The following SGCZ variants were observed in gnomAD, a reference collection of about 807,000 sequenced individuals.
SGCZ encodes the protein zeta-sarcoglycan.
In SGCZ, 40 loss-of-function variants were observed where a neutral mutation model predicts 41.3. The observed-to-expected ratio is 0.97, with a 90% CI of 0.75 to 1.26. The LOEUF (loss-of-function observed/expected upper bound fraction) is 1.26, where lower values mean the gene tolerates loss of function less well. SGCZ is among the 50% of genes most tolerant of loss of function. The pLI, the probability that SGCZ is intolerant of heterozygous loss-of-function variation, is 0.00. For missense variants in SGCZ, 552 were observed against 369.8 expected (o/e 1.49, Z -4.04); for synonymous variants, 206 against 137.5 (o/e 1.50, Z -3.49).
In SGCZ at chr8:14,257,035, T is replaced by C. The variant is rs113439517; in HGVS notation, c.337-19356A>G. On this transcript the variant is annotated intron_variant, in intron 3 of 7. Transcript: ENST00000382080. Reference sequence around the variant, plus strand: ...TAGGGTGATACAATATTAAGCTAGATTGAACAGGTTTCTGGCCAGGCGTGG... The same window carrying C: ...TAGGGTGATACAATATTAAGCTAGACTGAACAGGTTTCTGGCCAGGCGTGG... Among the ~76,000 whole-genome samples the C allele has an allele frequency of 2.3e-4, 35 of 152,226 alleles. 1 individual carries two copies. The highest frequency in any genetic ancestry group is 4.4e-4 in the Non-Finnish European group (30 of 68,000).
At chr8:14,793,424 A>C (rs759840338) in intron 1 of SGCZ, among the ~76,000 whole-genome samples, 1 of 152,226 alleles carries the variant, frequency 6.6e-6, no homozygotes. Context: ...TTCTTTCAGA[A>C]AAACGCAAAA....
chr8:14,523,128 T>C (rs951220423), intron 2 of SGCZ, among the ~76,000 whole-genome samples: 10 of 151,942 alleles, frequency 6.6e-5, no homozygotes, highest in African/African-American at 2.4e-4. Context: ...GTCTTAAATA[T>C]CTCTCCCGCT....
intron 2 of SGCZ, among the ~76,000 whole-genome samples, chr8:14,377,930 C>G (rs375382184): frequency 1.5e-4 from 23 of 148,692 alleles, no homozygotes; most frequent in Admixed American, 4.0e-4. Flanking sequence ...AGTCTATCAT[C>G]GTTGGACATT....
At chr8:14,189,130 A>C (rs1199353996) in intron 4 of SGCZ, among the ~76,000 whole-genome samples, 1 of 151,548 alleles carries the variant, frequency 6.6e-6, no homozygotes, top group East Asian at 1.9e-4. Flanking sequence ...ACGTGCTGGG[A>C]TTACAGGCGT....
At chr8:14,133,049 AACC>A (rs1177021906) in intron 5 of SGCZ, among the ~76,000 whole-genome samples, 1 of 152,188 alleles carries the variant, frequency 6.6e-6, no homozygotes, top group Non-Finnish European at 1.5e-5. Flanking sequence ...TGAATAAAAA[AACC>A]ACGTTTCTCA....
At chr8:14,771,396 G>A (rs1446876729) in intron 1 of SGCZ, among the ~76,000 whole-genome samples, 1 of 152,078 alleles carries the variant, frequency 6.6e-6, no homozygotes, top group African/African-American at 2.4e-5. Flanking sequence ...GGAGTGTATT[G>A]AGCTTCACAT....
chr8:15,014,048 G>C (rs1292022920), intron 1 of SGCZ, among the ~76,000 whole-genome samples: 1 of 152,194 alleles, frequency 6.6e-6, no homozygotes, highest in African/African-American at 2.4e-5. Context: ...ATCAGGATTA[G>C]TGAGAATAAT....
At chr8:14,341,186 A>G (rs1802692297) in intron 2 of SGCZ, among the ~76,000 whole-genome samples, 2 of 152,286 alleles carry the variant, frequency 1.3e-5, no homozygotes, top group South Asian at 4.1e-4. Flanking sequence ...GTCAATGAGC[A>G]CTTGGGTTGC....
intron 2 of SGCZ, among the ~76,000 whole-genome samples, chr8:14,345,198 T>C (rs778456432): frequency 1.2e-4 from 19 of 152,094 alleles, no homozygotes; most frequent in Non-Finnish European, 1.9e-4. Context: ...TCATTACTCA[T>C]CAGCGACATG....
intron 5 of SGCZ, among the ~76,000 whole-genome samples, chr8:14,152,616 A>C (rs1803745235): frequency 6.6e-6 from 1 of 152,182 alleles, no homozygotes; most frequent in South Asian, 2.1e-4. Context: ...ATCATTCTGC[A>C]AAAAAAGTTT....
intron 2 of SGCZ, among the ~76,000 whole-genome samples, chr8:14,458,140 C>G (rs1316057344): frequency 6.6e-6 from 1 of 152,104 alleles, no homozygotes; most frequent in Non-Finnish European, 1.5e-5. Context: ...ACTTTTAGAA[C>G]TATATTACTG....
intron 1 of SGCZ, among the ~76,000 whole-genome samples, chr8:14,580,838 G>A (rs947206865): frequency 2.6e-5 from 4 of 152,132 alleles, no homozygotes; most frequent in African/African-American, 9.7e-5. Flanking sequence ...GATGGAGGGA[G>A]CCTTCTCCCA....
intron 4 of SGCZ, among the ~76,000 whole-genome samples, chr8:14,175,303 A>G (rs1192297682): frequency 6.6e-6 from 1 of 152,170 alleles, no homozygotes; most frequent in African/African-American, 2.4e-5. Context: ...TATTTTCATA[A>G]AAAAGGAAAT....
intron 3 of SGCZ, among the ~76,000 whole-genome samples, chr8:14,250,153 C>A (rs1231940520): frequency 1.3e-5 from 2 of 152,148 alleles, no homozygotes; most frequent in Admixed American, 6.6e-5. Context: ...CTCTAACAGC[C>A]CAGCTGAGGT....
rs540201562 is a variant in SGCZ, at chr8:14,537,769, C to A, written c.234+16963G>T. On this transcript the variant is annotated intron_variant, in intron 2 of 7. Transcript: ENST00000382080. ...AAGGTTTGTACAGGGAAATTGCTGC[C>A]ATGATAAAATGTGTTTGTGAACGCT... Among the ~76,000 whole-genome samples the A allele has an allele frequency of 1.7e-3, 263 of 151,900 alleles. 1 individual carries two copies. Among genetic ancestry groups the A allele is most frequent in the Non-Finnish European group, 3.1e-3 (213 of 67,886 alleles).
At chr8:15,001,655 G>A (rs1364176591) in intron 1 of SGCZ, among the ~76,000 whole-genome samples, 1 of 149,598 alleles carries the variant, frequency 6.7e-6, no homozygotes, top group Non-Finnish European at 1.5e-5. Context: ...CGTGAACCCA[G>A]GAGGCGGAGC....
At chr8:14,706,201 T>A (rs1809327842) in intron 1 of SGCZ, among the ~76,000 whole-genome samples, 1 of 151,944 alleles carries the variant, frequency 6.6e-6, no homozygotes, top group African/African-American at 2.4e-5. Flanking sequence ...CTAAATGAGT[T>A]TTGAATTAAA....
At chr8:14,593,452 A>C (rs7842466) in intron 1 of SGCZ, among the ~76,000 whole-genome samples, 28,252 of 152,162 alleles carry the variant, frequency 0.19, 2,704 homozygotes, top group South Asian at 0.21. Flanking sequence ...ATCTGTTTTA[A>C]GTCACTAAGT....
intron 4 of SGCZ, among the ~76,000 whole-genome samples, chr8:14,190,210 C>T (rs996311629): frequency 2.0e-5 from 3 of 151,810 alleles, no homozygotes; most frequent in Non-Finnish European, 4.4e-5. Context: ...GACGGGGTTT[C>T]ACCGTGTTAG....
Sources: gnomAD v4.1 joint callset for allele counts (sites outside exome capture counted in the v4.1 genomes callset) on GRCh38, gnomAD v4.1.1 for gene constraint, MANE v1.5 for transcripts, NCBI Gene and HGNC (gene_info 2026-07-23, HGNC 2026-07-21) for gene names.